The following RARB variants were observed in gnomAD, a reference collection of about 807,000 sequenced individuals.
The protein encoded by RARB is HBV-activated protein.
In RARB, 17 loss-of-function variants were observed where a neutral mutation model predicts 51.9. The ratio of observed to expected loss-of-function variants is 0.33; its 90% CI spans 0.22 to 0.49. The LOEUF is 0.49. RARB is among the 20% of genes least tolerant of loss of function. The pLI is 0.99. For missense variants in RARB, 369 were observed against 550.8 expected (o/e 0.67, Z 3.30); for synonymous variants, 215 against 195.4 (o/e 1.10, Z -0.84).
At chr3:25,158,250 T>G (rs1700410910) in intron 4 of RARB, among the ~76,000 whole-genome samples, 1 of 152,212 alleles carries the variant, frequency 6.6e-6, no homozygotes, top group Admixed American at 6.5e-5. Flanking sequence ...CACCATCACC[T>G]TATATCATAT....
At chr3:25,077,478 TATA>T (rs1472864475) in intron 3 of RARB, among the ~76,000 whole-genome samples, 1 of 152,156 alleles carries the variant, frequency 6.6e-6, no homozygotes, top group Non-Finnish European at 1.5e-5. Flanking sequence ...TCTATCGCAG[TATA>T]ATATTTTTAG....
At chr3:25,516,381 T>A (rs1308122052) in intron 3 of RARB, among the ~76,000 whole-genome samples, 1 of 152,216 alleles carries the variant, frequency 6.6e-6, no homozygotes, top group Non-Finnish European at 1.5e-5. Flanking sequence ...TTTATGAACT[T>A]ATGTGGATTC....
At chr3:25,048,808 T>C (rs13060459) in intron 2 of RARB, among the ~76,000 whole-genome samples, 2 of 144,864 alleles carry the variant, frequency 1.4e-5, no homozygotes, top group Admixed American at 1.4e-4. Flanking sequence ...CAGGCTGGAG[T>C]GCAGTGGCGC....
Position 25,300,716 on chromosome 3 carries a change from G to A in RARB, c.178+126141G>A, listed in dbSNP as rs897615346. ...ATAAAATACAAACCACTGGTCAGGA[G>A]TGGTGGCTCACACCTGTAATCTCAG... On this transcript the variant is annotated intron_variant, in intron 5 of 11. Transcript: ENST00000383772. Among the ~76,000 whole-genome samples, 4 of 152,304 alleles carry A rather than the reference G, an allele frequency of 2.6e-5. No homozygotes were observed. In the East Asian group the frequency reaches 7.7e-4, roughly 29 times the overall value.
chr3:25,579,028 A>G (rs1559477033), intron 4 of RARB, among the ~76,000 whole-genome samples: 1 of 152,252 alleles, frequency 6.6e-6, no homozygotes, highest in Non-Finnish European at 1.5e-5. Flanking sequence ...CCTGCAAACG[A>G]AAGTAAAGCA....
chr3:25,318,763 G>A (rs576762714), intron 5 of RARB, among the ~76,000 whole-genome samples: 15 of 152,274 alleles, frequency 9.9e-5, no homozygotes, highest in African/African-American at 3.4e-4. Flanking sequence ...ATTGTAAGTG[G>A]CCTCCACATT....
chr3:25,349,336 G>A (rs1288611982), intron 5 of RARB, among the ~76,000 whole-genome samples: 8 of 152,146 alleles, frequency 5.3e-5, no homozygotes, highest in Non-Finnish European at 1.0e-4. Flanking sequence ...AGCACTTTTC[G>A]AGGATGGCCA....
At chr3:25,331,743 T>C (rs2125445416) in intron 5 of RARB, among the ~76,000 whole-genome samples, 1 of 152,268 alleles carries the variant, frequency 6.6e-6, no homozygotes, top group South Asian at 2.1e-4. Flanking sequence ...GGAGCTGGTT[T>C]TTTGGAAAGA....
At chr3:25,208,285 T>A (rs372148812) in intron 5 of RARB, among the ~76,000 whole-genome samples, 55 of 152,312 alleles carry the variant, frequency 3.6e-4, no homozygotes, top group African/African-American at 1.3e-3. Flanking sequence ...AGGATTTCAG[T>A]TTCAATCAGG....
intron 3 of RARB, among the ~76,000 whole-genome samples, chr3:25,110,961 G>T (rs970174199): frequency 1.3e-5 from 2 of 152,128 alleles, no homozygotes; most frequent in African/African-American, 4.8e-5. Context: ...TGTACAGATC[G>T]TGTACATTTT....
intron 5 of RARB, among the ~76,000 whole-genome samples, chr3:25,346,415 A>G (rs1705395346): frequency 6.6e-6 from 1 of 152,160 alleles, no homozygotes; most frequent in South Asian, 2.1e-4. Context: ...GTCCAAACAA[A>G]ACTAATTAAT....
At chr3:24,848,352 C>T (rs756438062) in intron 1 of RARB, among the ~76,000 whole-genome samples, 4 of 152,150 alleles carry the variant, frequency 2.6e-5, no homozygotes, top group Admixed American at 6.5e-5. Flanking sequence ...TGATCCATGG[C>T]GCCTGGCCCT....
In RARB at chr3:25,594,661, G is replaced by T; in HGVS notation, c.1133G>T (p.Arg378Leu). Residue 378 changes from arginine to leucine, a missense_variant, in exon 7 of 8, where the codon CGT (arginine) becomes CTT (leucine). Arg to Leu is a moderately radical substitution (Grantham distance 102). Transcript: ENST00000330688. ...PKILMKITDL[R>L]SISAKGAERV... ...ATCTTAATGAAAATCACAGATCTCC[G>T]TAGCATCAGTGCTAAAGGTATGTCT... 6.2e-7 allele frequency: 1 copy of T among 1,612,684 alleles called. No homozygotes were observed. Among genetic ancestry groups the T allele is most frequent in the Non-Finnish European group, 8.5e-7 (1 of 1,179,534 alleles).
intron 5 of RARB, among the ~76,000 whole-genome samples, chr3:25,197,320 G>A (rs1343578780): frequency 1.3e-5 from 2 of 152,202 alleles, no homozygotes; most frequent in Non-Finnish European, 2.9e-5. Flanking sequence ...TATGAAATAG[G>A]GAATCCTTTC....
intron 2 of RARB, among the ~76,000 whole-genome samples, chr3:24,961,819 A>C (rs1400548530): frequency 6.6e-6 from 1 of 152,026 alleles, no homozygotes; most frequent in Non-Finnish European, 1.5e-5. Context: ...CACCCTGTAC[A>C]TCTGTACATA....
At chr3:24,885,506 G>T (rs1703250105) in intron 2 of RARB, among the ~76,000 whole-genome samples, 1 of 152,118 alleles carries the variant, frequency 6.6e-6, no homozygotes, top group African/African-American at 2.4e-5. Context: ...AAATCAAGTT[G>T]TTTTAAGATG....
At chr3:25,495,515 C>CT (rs1696979478) in intron 2 of RARB, among the ~76,000 whole-genome samples, 1 of 152,216 alleles carries the variant, frequency 6.6e-6, no homozygotes, top group African/African-American at 2.4e-5. Flanking sequence ...CAGAAGTAAT[C>CT]TGAGTCAGAT....
At chr3:25,102,743 C>T (rs1003571034) in intron 3 of RARB, among the ~76,000 whole-genome samples, 8 of 152,016 alleles carry the variant, frequency 5.3e-5, no homozygotes, top group East Asian at 3.9e-4. Flanking sequence ...GTTAAGATGC[C>T]GTGAGTTTGT....
At chr3:25,000,517 T>C (rs1697137333) in intron 2 of RARB, among the ~76,000 whole-genome samples, 1 of 152,182 alleles carries the variant, frequency 6.6e-6, no homozygotes, top group Non-Finnish European at 1.5e-5. Flanking sequence ...TTCTTTGACC[T>C]GCGAGGCTGA....
Sources: gnomAD v4.1 joint callset for allele counts (sites outside exome capture counted in the v4.1 genomes callset) on GRCh38, gnomAD v4.1.1 for gene constraint, MANE v1.5 for transcripts, NCBI Gene and HGNC (gene_info 2026-07-23, HGNC 2026-07-21) for gene names.